Variants in MUC17 observed in about 807,000 individuals in gnomAD.
The protein encoded by MUC17 is mucin 17, cell surface associated.
MUC17 carries 190 observed loss-of-function variants against 170.3 expected under a neutral mutation model. The ratio of observed to expected loss-of-function variants is 1.12; its 90% confidence interval spans 0.99 to 1.26. The LOEUF is 1.26. MUC17 is among the 50% of genes most tolerant of loss of function. The probability of loss-of-function intolerance (pLI) is 0.00; values close to 1 mark genes in which losing one functional copy is unlikely to be tolerated. For missense variants in MUC17, 6,415 were observed against 5,530.0 expected, an observed-to-expected ratio of 1.16 and a Z score of -5.08; for synonymous variants, 2,325 against 2,002.5, an observed-to-expected ratio of 1.16 and a Z score of -4.30.
rs377319360 is a variant in MUC17 at position 101,058,105 on chromosome 7, A to C, written c.*61A>C. The stretch of plus-strand genomic sequence containing the variant: ...CCAGTCCGGCTAAGCTTGGTGGAGC[A>C]TTTTCCCATTGAGAGCCTTCCATGG... On this transcript the variant is annotated 3_prime_UTR_variant, in exon 13 of 13. Transcript: ENST00000306151. 2.5e-5 allele frequency: 38 copies of C among 1,497,466 alleles called. No homozygotes were observed. The highest frequency in any genetic ancestry group is 1.8e-4 in the East Asian group (8 of 44,214). The allele number at this position is 1,497,466 out of a possible 1,614,324, so 92.8% of individuals were successfully genotyped here. A position where few individuals can be genotyped will look rare whatever the true frequency, so the allele number is the denominator to read the frequency against.
Position 101,036,731 on chromosome 7 carries a change from C to T in MUC17, c.5315C>T (p.Thr1772Ile). The T allele has an allele frequency of 6.2e-7, 1 of 1,612,800 alleles. No individual in the cohort carries two copies. The highest frequency in any genetic ancestry group is 2.2e-5 in the East Asian group (1 of 44,786). The change falls in exon 3 of 13, where the codon ACT becomes ATT. Residue 1772 changes from threonine (T) to isoleucine (I), a missense_variant. By Grantham distance (89) the Thr-to-Ile change is moderately conservative. Coordinates refer to ENST00000306151, the MANE Select transcript of MUC17 (RefSeq NM_001040105.2). Reference protein sequence around the residue: ...LSSEASTLSATPIDTSTPVTT... With the variant: ...LSSEASTLSAIPIDTSTPVTT... ...TCTGAGGCTAGCACCCTTTCAGCAA[C>T]TCCTATTGACACCAGCACCCCTGTG...
Position 101,058,250 on chromosome 7 carries a change from T to G in MUC17, c.*206T>G, listed in dbSNP as rs1204116278. On this transcript the variant is annotated 3_prime_UTR_variant, in exon 13 of 13. Transcript: ENST00000306151. ...AAACCCGTGGACGCTCCAATGGGCT[T>G]GTCATGATATCAGGCTAGGCTTTCC... 2.4e-6 allele frequency: 1 copy of G among 425,310 alleles called. No individual in the cohort carries two copies. The highest frequency in any genetic ancestry group is 2.0e-5 in the African/African-American group (1 of 49,698). The allele number at this position is 425,310 out of a possible 1,614,324, so 26.3% of individuals were successfully genotyped here. A position where few individuals can be genotyped will look rare whatever the true frequency, so the allele number is the denominator to read the frequency against.
Position 101,039,473 on chromosome 7 carries a change from C to T in MUC17, c.8057C>T (p.Thr2686Ile). The change falls in exon 3 of 13, where the codon ACT becomes ATT. Residue 2686 changes from threonine to isoleucine, a missense_variant. Physicochemically the swap from Thr to Ile is moderately conservative, Grantham distance 89 (BLOSUM62 -1). Transcript: ENST00000306151. ...TAEGSSMPTS[T>I]PGERSTPLTN... ...GAAGGTAGCAGCATGCCAACCTCAACTCCTGGTGAAAGAAGCACTCCATTA... is the reference window on the plus strand; with the variant it reads ...GAAGGTAGCAGCATGCCAACCTCAATTCCTGGTGAAAGAAGCACTCCATTA... 1.2e-6 allele frequency: 2 copies of T among 1,611,586 alleles called. No individual in the cohort carries two copies. Among genetic ancestry groups the T allele is most frequent in the East Asian group, 2.2e-5 (1 of 44,668 alleles).
chr7:101,058,010 T>C lies in MUC17; in HGVS notation c.13448T>C (p.Ile4483Thr). The C allele has an allele frequency of 1.2e-6, 2 of 1,613,954 alleles. No homozygotes were observed. Among genetic ancestry groups the C allele is most frequent in the South Asian group, 1.1e-5 (1 of 91,060 alleles). The change falls in exon 13 of 13, where the codon ATT becomes ACT. Residue 4483 changes from isoleucine (I) to threonine (T), a missense_variant. Ile to Thr is a moderately conservative substitution (Grantham distance 89). Transcript: ENST00000306151. ...TTTTATCTCTCTTTTCAGATCCGAA[T>C]TCAGAGGCCTCAGGTAATGACGACA... ...RHIDPETKIR[I>T]QRPQVMTTSF is the part of the protein sequence containing the mutation.
intron 12 of MUC17, among the ~76,000 whole-genome samples, chr7:101,056,640 C>T (rs1795051050): frequency 2.6e-5 from 4 of 152,150 alleles, no homozygotes; most frequent in Admixed American, 2.6e-4. Flanking sequence ...CTTAACATGC[C>T]ATATGTTTCT....
chr7:101,047,943 T>C (rs1202286472), intron 3 of MUC17, 41 bp from the exon 4 acceptor site: 2 of 1,536,696 alleles, frequency 1.3e-6, no homozygotes, highest in East Asian at 2.4e-5. Context: ...GGTGCCTCAA[T>C]GGAGGAACTT....
chr7:101,058,149 G>T lies in MUC17; in HGVS notation c.*105G>T, dbSNP rs1795081757. The T allele has an allele frequency of 1.9e-6, 2 of 1,035,480 alleles. No homozygotes were observed. The highest frequency in any genetic ancestry group is 3.0e-6 in the Non-Finnish European group (2 of 663,672). The allele number at this position is 1,035,480 out of a possible 1,614,324, so 64.1% of individuals were successfully genotyped here. A position where few individuals can be genotyped will look rare whatever the true frequency, so the allele number is the denominator to read the frequency against. ...TCCATGGGAACTCAATGTTCCCATTGTAAGTACAGGAAACAAGCCCTGTAC... is the reference window on the plus strand; with the variant it reads ...TCCATGGGAACTCAATGTTCCCATTTTAAGTACAGGAAACAAGCCCTGTAC... On this transcript the variant is annotated 3_prime_UTR_variant, in exon 13 of 13. Coordinates refer to ENST00000306151, the MANE Select transcript of MUC17 (RefSeq NM_001040105.2).
Position 101,035,526 on chromosome 7 carries a change from T to C in MUC17, c.4110T>C (p.Thr1370=). 6.3e-7 allele frequency: 1 copy of C among 1,596,532 alleles called. No homozygotes were observed. The highest frequency in any genetic ancestry group is 8.6e-7 in the Non-Finnish European group (1 of 1,169,306). The change falls in exon 3 of 13, where the codon ACT becomes ACC. Residue 1370 remains threonine (T), a synonymous_variant. Transcript: ENST00000306151. Reference sequence around the variant, plus strand: ...TTGACAACAGCACACCTGTGACCACTTCTACTGAAGCCTGTTCATCTCCTA... The same window carrying C: ...TTGACAACAGCACACCTGTGACCACCTCTACTGAAGCCTGTTCATCTCCTA... ...TPVDNSTPVT[T]STEACSSPTT... is the part of the protein sequence containing the mutation.
chr7:101,047,658 C>T (rs1467154714), intron 3 of MUC17, among the ~76,000 whole-genome samples: 4 of 151,988 alleles, frequency 2.6e-5, no homozygotes, highest in African/African-American at 7.3e-5. Context: ...GGTGAAACCC[C>T]GTCTCTACTA....
rs1427660782 is a variant in MUC17 at position 101,038,471 on chromosome 7, G to C, written c.7055G>C (p.Ser2352Thr). ...CCTGTCAGCACCACAATGGTGGCCA[G>C]TTTTGAAACAAGCACACTTTCTACA... Reference protein sequence around the residue: ...RMPVSTTMVASFETSTLSTTP... With the variant: ...RMPVSTTMVATFETSTLSTTP... Residue 2352 changes from serine (S) to threonine (T), a missense_variant, in exon 3 of 13, where the codon AGT (serine) becomes ACT (threonine). By Grantham distance (58) the Ser-to-Thr change is moderately conservative (BLOSUM62 1). Coordinates refer to ENST00000306151, the MANE Select transcript of MUC17 (RefSeq NM_001040105.2). 1.9e-6 allele frequency: 3 copies of C among 1,603,392 alleles called. No homozygotes were observed. Among genetic ancestry groups the C allele is most frequent in the East Asian group, 2.3e-5 (1 of 43,678 alleles).
chr7:101,058,138 A>C lies in MUC17; in HGVS notation c.*94A>C. The C allele has an allele frequency of 9.0e-7, 1 of 1,116,180 alleles. No individual in the cohort carries two copies. The highest frequency in any genetic ancestry group is 1.4e-6 in the Non-Finnish European group (1 of 731,968). The allele number at this position is 1,116,180 out of a possible 1,614,324, so 69.1% of individuals were successfully genotyped here. On this transcript the variant is annotated 3_prime_UTR_variant, in exon 13 of 13. Coordinates refer to ENST00000306151, the MANE Select transcript of MUC17 (RefSeq NM_001040105.2). Reference sequence around the variant, plus strand: ...ATTGAGAGCCTTCCATGGGAACTCAATGTTCCCATTGTAAGTACAGGAAAC... The same window carrying C: ...ATTGAGAGCCTTCCATGGGAACTCACTGTTCCCATTGTAAGTACAGGAAAC...
chr7:101,021,646 C>A (rs1010779538), intron 1 of MUC17, among the ~76,000 whole-genome samples: 5 of 152,166 alleles, frequency 3.3e-5, no homozygotes, highest in Admixed American at 3.3e-4. Context: ...CATCCCTAGC[C>A]TCAGTCTGCC....
rs369403209 is a variant in MUC17, at chr7:101,040,301, C to T, written c.8885C>T (p.Ser2962Phe). ...PVDTRTPVTT[S>F]AEASSSPTTA... The stretch of plus-strand genomic sequence containing the variant: ...GACACCAGGACACCTGTCACCACTT[C>T]TGCTGAAGCTAGTTCTTCTCCTACA... Residue 2962 changes from serine to phenylalanine, a missense_variant, in exon 3 of 13, where the codon TCT becomes TTT. Ser to Phe is a radical substitution (Grantham distance 155). Coordinates refer to ENST00000306151, the MANE Select transcript of MUC17 (RefSeq NM_001040105.2). 2 of 1,611,840 alleles carry T rather than the reference C, an allele frequency of 1.2e-6. No homozygotes were observed. The highest frequency in any genetic ancestry group is 2.7e-5 in the African/African-American group (2 of 74,812).
chr7:101,021,405 C>G (rs566106126), intron 1 of MUC17, among the ~76,000 whole-genome samples: 9 of 152,112 alleles, frequency 5.9e-5, no homozygotes, highest in African/African-American at 2.2e-4. Context: ...CCGGGCTGGT[C>G]TCAAACTCCT....
chr7:101,049,265 G>A, intron 5 of MUC17, 59 bp from the exon 6 acceptor site: 1 of 1,611,136 alleles, frequency 6.2e-7, no homozygotes, highest in East Asian at 2.2e-5. Flanking sequence ...ACCTCCTGAT[G>A]TCCCACAGAA....
In MUC17 at chr7:101,043,496, C is replaced by T. The variant is rs138142210; in HGVS notation, c.12080C>T (p.Thr4027Met). The T allele has an allele frequency of 0.023, 37,427 of 1,614,224 alleles. 595 individuals are homozygous for T. The highest frequency in any genetic ancestry group is 0.049 in the South Asian group (4,469 of 91,082). Residue 4027 changes from threonine (T) to methionine (M), a missense_variant, in exon 3 of 13, where the codon ACG becomes ATG. Transcript: ENST00000306151. ...AGAGGCTGCACTACTTCTGCATCAA[C>T]GCTTTCTGCAACCAGTACACCTCAC... Reference protein sequence around the residue: ...TSRGCTTSASTLSATSTPHTS... With the variant: ...TSRGCTTSASMLSATSTPHTS...
At position 101,050,526 on chromosome 7, in the gene MUC17, C is replaced by T. The variant is rs765674253; in HGVS notation, c.12765C>T (p.Thr4255=). Reference sequence around the variant, plus strand: ...TGGAGCATGACGTCCTCCTAAGAACCAAGTACACACCAGAATACAAGACAG... The same window carrying T: ...TGGAGCATGACGTCCTCCTAAGAACTAAGTACACACCAGAATACAAGACAG... ...VVVEHDVLLR[T]KYTPEYKTVL... Residue 4255 remains threonine, a synonymous_variant, in exon 7 of 13, where the codon ACC becomes ACT. Coordinates refer to ENST00000306151, the MANE Select transcript of MUC17 (RefSeq NM_001040105.2). The T allele has an allele frequency of 6.2e-7, 1 of 1,613,978 alleles. No individual in the cohort carries two copies.
In MUC17 at chr7:101,048,126, C is replaced by T. The variant is rs776695622; in HGVS notation, c.12535+11C>T. The T allele has an allele frequency of 3.2e-6, 5 of 1,558,998 alleles. No individual in the cohort carries two copies. Among genetic ancestry groups the T allele is most frequent in the East Asian group, 2.4e-5 (1 of 41,614 alleles). On this transcript the variant is annotated intron_variant, in intron 4 of 12. Transcript: ENST00000306151. Reference sequence around the variant, plus strand: ...GCAGCATTGACATAGGTGAGTGCAACCCCAGGCCTTCCCCCACCCCATGCC... The same window carrying T: ...GCAGCATTGACATAGGTGAGTGCAATCCCAGGCCTTCCCCCACCCCATGCC...
intron 3 of MUC17, among the ~76,000 whole-genome samples, chr7:101,046,248 G>A (rs149687240): frequency 3.9e-5 from 6 of 152,134 alleles, no homozygotes; most frequent in Admixed American, 6.5e-5. Context: ...AGGGTAAACC[G>A]GAAGGCAGAG....
Sources: gnomAD v4.1 joint callset for allele counts (sites outside exome capture counted in the v4.1 genomes callset) on GRCh38, gnomAD v4.1.1 for gene constraint, MANE v1.5 for transcripts, NCBI Gene and HGNC (gene_info 2026-07-23, HGNC 2026-07-21) for gene names.